CCDC7: variants seen among roughly 807,000 people sequenced by gnomAD.
CCDC7 encodes the protein coiled-coil domain-containing protein 7.
In CCDC7, 183 loss-of-function variants were observed where a neutral mutation model predicts 196.9. The observed-to-expected ratio is 0.93, with a 90% confidence interval of 0.82 to 1.05. CCDC7 has a LOEUF of 1.05. Among genes scored for constraint, CCDC7 ranks in the 50% least tolerant of loss-of-function variants. The pLI, the probability that CCDC7 is intolerant of heterozygous loss-of-function variation, is 0.00. For missense variants in CCDC7, 1,540 were observed against 1,482.2 expected, an observed-to-expected ratio of 1.04 and a Z score of -0.64; for synonymous variants, 525 against 484.6, an observed-to-expected ratio of 1.08 and a Z score of -1.10.
chr10:32,701,612 C>T (rs1179529847), intron 24 of CCDC7, among the ~76,000 whole-genome samples: 5 of 152,112 alleles, frequency 3.3e-5, no homozygotes, highest in Non-Finnish European at 7.3e-5. Flanking sequence ...CTCTTTGTAC[C>T]TCTGGTAGAA....
chr10:32,711,490 T>C, intron 24 of CCDC7, 130 bp from the exon 26 acceptor site: 1 of 564,170 alleles, frequency 1.8e-6, no homozygotes, highest in Non-Finnish European at 3.1e-6. Flanking sequence ...AGAGCTAGCA[T>C]TAAGGTAGTT....
At position 32,845,346 on chromosome 10, in the gene CCDC7, A is replaced by G; in HGVS notation, c.3436+20A>G. 1 of 1,503,050 alleles carries G rather than the reference A, an allele frequency of 6.7e-7. No individual in the cohort carries two copies. Among genetic ancestry groups the G allele is most frequent in the Non-Finnish European group, 9.1e-7 (1 of 1,101,680 alleles). The allele number at this position is 1,503,050 out of a possible 1,614,324, so 93.1% of individuals were successfully genotyped here. A position where few individuals can be genotyped will look rare whatever the true frequency, so the allele number is the denominator to read the frequency against. On this transcript the variant is annotated intron_variant, in intron 34 of 41. Coordinates refer to ENST00000639629, the Ensembl canonical transcript of CCDC7. Reference sequence around the variant, plus strand: ...ACCAAAGTAAGAAAAAGAATTTTTCACATCTAATATTTATGGCTGATTGAT... The same window carrying G: ...ACCAAAGTAAGAAAAAGAATTTTTCGCATCTAATATTTATGGCTGATTGAT...
intron 30 of CCDC7, among the ~76,000 whole-genome samples, chr10:32,808,597 C>A (rs2086364843): frequency 7.7e-6 from 1 of 129,608 alleles, no homozygotes; most frequent in African/African-American, 2.5e-5. Flanking sequence ...AAGCAAGCCA[C>A]CTAGAGGCCC....
At chr10:32,501,446 G>A (rs994764575) in intron 9 of CCDC7, among the ~76,000 whole-genome samples, 3 of 152,106 alleles carry the variant, frequency 2.0e-5, no homozygotes, top group African/African-American at 7.2e-5. Flanking sequence ...GTGATCCTTT[G>A]CAGTAGAAGA....
chr10:32,727,009 A>G (rs1214503949), intron 26 of CCDC7, among the ~76,000 whole-genome samples, 177 bp downstream of exon 27: 2 of 152,098 alleles, frequency 1.3e-5, no homozygotes, highest in African/African-American at 4.8e-5. Flanking sequence ...TTCATGTTGG[A>G]GTTTCTGGTC....
At chr10:32,578,338 G>A (rs911143232) in intron 16 of CCDC7, among the ~76,000 whole-genome samples, 4 of 151,798 alleles carry the variant, frequency 2.6e-5, no homozygotes, top group Admixed American at 2.0e-4. Context: ...CAGGATGGAG[G>A]GGGTGGTTTC....
chr10:32,867,608 CG>C (rs1452010895), intron 41 of CCDC7, among the ~76,000 whole-genome samples: 1 of 150,974 alleles, frequency 6.6e-6, no homozygotes, highest in African/African-American at 2.4e-5. Flanking sequence ...AGGCAACTAA[CG>C]GGAAAATGGG....
chr10:32,724,365 T>C (rs1275186457), intron 25 of CCDC7, among the ~76,000 whole-genome samples: 1 of 152,090 alleles, frequency 6.6e-6, no homozygotes, highest in Non-Finnish European at 1.5e-5. Context: ...TGCACCACTT[T>C]GTCAGAGAGA....
At chr10:32,637,367 A>T (rs1291736855) in intron 20 of CCDC7, among the ~76,000 whole-genome samples, 2 of 152,170 alleles carry the variant, frequency 1.3e-5, no homozygotes, top group Non-Finnish European at 2.9e-5. Flanking sequence ...TTTTAGGTCT[A>T]ATGTTTAAGT....
chr10:32,707,944 C>T (rs2080086357), intron 24 of CCDC7, among the ~76,000 whole-genome samples: 1 of 152,158 alleles, frequency 6.6e-6, no homozygotes, highest in African/African-American at 2.4e-5. Flanking sequence ...CTACCAATGA[C>T]TTTCTTCACA....
chr10:32,565,655 A>G (rs927147442), intron 14 of CCDC7, 35 bp downstream of exon 15: 5 of 1,584,692 alleles, frequency 3.2e-6, no homozygotes, highest in Non-Finnish European at 4.3e-6. Flanking sequence ...CATTGTTAAC[A>G]AGTAAAGAAA....
chr10:32,517,362 C>G (rs2047181709), intron 9 of CCDC7, among the ~76,000 whole-genome samples: 1 of 151,928 alleles, frequency 6.6e-6, no homozygotes, highest in African/African-American at 2.4e-5. Context: ...AAACTGAAAT[C>G]CAACCCACTA....
At chr10:32,830,191 C>T (rs1234395972) in intron 32 of CCDC7, among the ~76,000 whole-genome samples, 1 of 110,532 alleles carries the variant, frequency 9.0e-6, no homozygotes, top group African/African-American at 2.8e-5. Context: ...GTATATACAT[C>T]TGTGCCCACA....
At chr10:32,638,049 G>T in intron 20 of CCDC7, among the ~76,000 whole-genome samples, 1 of 152,196 alleles carries the variant, frequency 6.6e-6, no homozygotes, top group Middle Eastern at 3.4e-3. Context: ...ATTGGTGTAT[G>T]AGAATGCTTG....
At chr10:32,471,191 G>C (rs1210289236) in exon 6 of CCDC7, 2 of 1,610,276 alleles carry the variant, frequency 1.2e-6, no homozygotes, top group Non-Finnish European at 1.7e-6. Flanking sequence ...CTTAAACAGA[G>C]GTCTAAATCC....
At chr10:32,702,142 C>T (rs1023109287) in intron 24 of CCDC7, among the ~76,000 whole-genome samples, 1 of 152,078 alleles carries the variant, frequency 6.6e-6, no homozygotes, top group African/African-American at 2.4e-5. Context: ...TTCCTGCTTT[C>T]TCTTGTGGGC....
chr10:32,654,524 A>C (rs1387828659), intron 20 of CCDC7, among the ~76,000 whole-genome samples: 1 of 151,978 alleles, frequency 6.6e-6, no homozygotes, highest in Non-Finnish European at 1.5e-5. Flanking sequence ...AGTTTTGTAA[A>C]GTTTATATAT....
chr10:32,805,204 G>A (rs2085581770), intron 30 of CCDC7, 106 bp downstream of exon 31: 3 of 763,336 alleles, frequency 3.9e-6, no homozygotes, highest in South Asian at 3.4e-5. Flanking sequence ...TATGACATGG[G>A]CACAGGTTCT....
At chr10:32,506,565 T>C (rs1369513829) in intron 9 of CCDC7, among the ~76,000 whole-genome samples, 3 of 151,810 alleles carry the variant, frequency 2.0e-5, no homozygotes, top group Admixed American at 6.6e-5. Flanking sequence ...CTGGGCAACA[T>C]TGAGCATTGA....
Sources: allele counts gnomAD v4.1 joint callset (sites outside exome capture counted in the v4.1 genomes callset), GRCh38; gene constraint gnomAD v4.1.1; transcripts MANE v1.5; gene names NCBI Gene and HGNC (gene_info 2026-07-23, HGNC 2026-07-21).